Variants in ST3GAL3 observed in about 807,000 individuals in gnomAD.
ST3GAL3 encodes CMP-N-acetylneuraminate-beta-1,4-galactoside alpha-2,3-sialyltransferase.
Under a neutral mutation model 50.1 loss-of-function variants are expected in ST3GAL3, and 21 were observed. That is an observed-to-expected ratio of 0.42 (90% CI 0.30 to 0.60). The LOEUF (loss-of-function observed/expected upper bound fraction) is 0.60, where lower values mean the gene tolerates loss of function less well. Among genes scored for constraint, ST3GAL3 ranks in the 20% least tolerant of loss-of-function variants. The pLI is 0.19. For synonymous variants in ST3GAL3, 183 were observed against 190.0 expected, an observed-to-expected ratio of 0.96 and a Z score of 0.30; for missense variants, 353 against 489.4, an observed-to-expected ratio of 0.72 and a Z score of 2.63.
chr1:43,757,337 A>G (rs984435229), intron 2 of ST3GAL3, among the ~76,000 whole-genome samples: 3 of 152,208 alleles, frequency 2.0e-5, no homozygotes, highest in African/African-American at 7.2e-5. Context: ...AAATATAGAG[A>G]TTCAAGAATA....
At chr1:43,710,484 C>T (rs1408620280) in intron 1 of ST3GAL3, among the ~76,000 whole-genome samples, 2 of 152,096 alleles carry the variant, frequency 1.3e-5, no homozygotes, top group Non-Finnish European at 2.9e-5. Flanking sequence ...TTTTTCCTTC[C>T]ATCCATCATG....
At chr1:43,771,547 C>T (rs558481320) in intron 2 of ST3GAL3, among the ~76,000 whole-genome samples, 15 of 151,954 alleles carry the variant, frequency 9.9e-5, no homozygotes, top group African/African-American at 2.9e-4. Flanking sequence ...TTAGTAGAGA[C>T]GGGATTTCAA....
chr1:43,917,493 TATATA>T (rs1234325778), intron 9 of ST3GAL3, among the ~76,000 whole-genome samples: 1 of 31,730 alleles, frequency 3.2e-5, no homozygotes, highest in Non-Finnish European at 9.0e-5. Context: ...ATATATAATA[TATATA>T]ATATATTATA....
intron 2 of ST3GAL3, among the ~76,000 whole-genome samples, chr1:43,777,540 A>G (rs1697755876): frequency 6.6e-6 from 1 of 152,162 alleles, no homozygotes; most frequent in Admixed American, 6.5e-5. Flanking sequence ...ATGCTGGGAG[A>G]ACTGGCTAGC....
At chr1:43,915,332 C>G (rs947590660) in intron 9 of ST3GAL3, among the ~76,000 whole-genome samples, 5 of 152,228 alleles carry the variant, frequency 3.3e-5, no homozygotes, top group African/African-American at 1.2e-4. Context: ...ATGTGAGTCC[C>G]TGCCCTATGG....
At chr1:43,760,335 T>G (rs377385369) in intron 2 of ST3GAL3, among the ~76,000 whole-genome samples, 15 of 152,376 alleles carry the variant, frequency 9.8e-5, no homozygotes, top group East Asian at 1.9e-4. Flanking sequence ...TCAGTAGATA[T>G]ATTAACAAAT....
intron 1 of ST3GAL3, among the ~76,000 whole-genome samples, chr1:43,708,710 A>G (rs1018175503): frequency 1.3e-5 from 2 of 152,246 alleles, no homozygotes; most frequent in African/African-American, 4.8e-5. Flanking sequence ...AGAGATTCTT[A>G]AGGATATTTT....
intron 2 of ST3GAL3, chr1:43,736,676 T>G (rs1366404208): frequency 2.1e-6 from 1 of 481,334 alleles, no homozygotes; most frequent in Non-Finnish European, 3.8e-6. Flanking sequence ...CTTGAACGCT[T>G]TTGTTCTTTC....
chr1:43,875,782 A>T (rs967843525), intron 5 of ST3GAL3, among the ~76,000 whole-genome samples: 1 of 152,104 alleles, frequency 6.6e-6, no homozygotes, highest in African/African-American at 2.4e-5. Flanking sequence ...GTATTTCTTT[A>T]TAGCAGCGTG....
chr1:43,917,559 TA>T (rs1430375511), intron 9 of ST3GAL3, among the ~76,000 whole-genome samples: 1 of 86,030 alleles, frequency 1.2e-5, no homozygotes, highest in Non-Finnish European at 2.1e-5. Flanking sequence ...ATATATAATA[TA>T]TTATATTATA....
chr1:43,865,937 T>G (rs527678239), intron 5 of ST3GAL3, among the ~76,000 whole-genome samples: 1 of 152,348 alleles, frequency 6.6e-6, no homozygotes, highest in East Asian at 1.9e-4. Context: ...TGGGATACAT[T>G]ATGTCAGTAG....
intron 5 of ST3GAL3, among the ~76,000 whole-genome samples, chr1:43,875,801 C>G (rs192137433): frequency 3.3e-5 from 5 of 151,994 alleles, no homozygotes; most frequent in African/African-American, 1.2e-4. Context: ...TGAGAACAGA[C>G]TAATACATGA....
At chr1:43,767,706 G>T (rs1293399164) in intron 2 of ST3GAL3, among the ~76,000 whole-genome samples, 2 of 151,488 alleles carry the variant, frequency 1.3e-5, no homozygotes, top group African/African-American at 4.9e-5. Flanking sequence ...GATAGCATTA[G>T]GAGAAATACC....
rs770115603 is a variant in ST3GAL3, at chr1:43,899,774, C to T, written c.744+47C>T. 12 of 1,566,386 alleles carry T rather than the reference C, an allele frequency of 7.7e-6. No individual in the cohort carries two copies. Among genetic ancestry groups the T allele is most frequent in the South Asian group, 1.1e-5 (1 of 89,952 alleles). On this transcript the variant is annotated intron_variant, in intron 9 of 11. Transcript: ENST00000347631. This position sits in a 1 kb window ranked among gnomAD's most constrained non-coding sequence, Gnocchi z 5.4. ...TTCTTCCCCTCTTGCCCTGGGCTTCCGCAACTCCTAAGCAATCCCGCCCCT... is the reference window on the plus strand; with the variant it reads ...TTCTTCCCCTCTTGCCCTGGGCTTCTGCAACTCCTAAGCAATCCCGCCCCT...
intron 2 of ST3GAL3, among the ~76,000 whole-genome samples, chr1:43,761,680 G>T (rs891634874): frequency 2.0e-5 from 3 of 152,006 alleles, no homozygotes; most frequent in Non-Finnish European, 4.4e-5. Flanking sequence ...GCCGGGCGCG[G>T]TGGCTCATGC....
intron 3 of ST3GAL3, among the ~76,000 whole-genome samples, chr1:43,793,777 A>G (rs1243665145): frequency 3.9e-5 from 6 of 152,220 alleles, no homozygotes; most frequent in African/African-American, 1.4e-4. Context: ...AAAAGACCCT[A>G]TTAAGAGAGT....
intron 5 of ST3GAL3, chr1:43,841,873 A>T (rs1237014451): frequency 1.3e-5 from 2 of 152,196 alleles, no homozygotes; most frequent in African/African-American, 4.8e-5. Flanking sequence ...TTTTAAATAT[A>T]AATTCCAACT....
At chr1:43,782,560 CTG>C (rs1699711851) in intron 2 of ST3GAL3, among the ~76,000 whole-genome samples, 1 of 15,026 alleles carries the variant, frequency 6.7e-5, no homozygotes. Flanking sequence ...CTTATTTTCA[CTG>C]TTTCTCCCTC....
chr1:43,897,683 C>G (rs2077586687), intron 6 of ST3GAL3, among the ~76,000 whole-genome samples: 1 of 152,130 alleles, frequency 6.6e-6, no homozygotes, highest in South Asian at 2.1e-4. Flanking sequence ...TAAAGACAGC[C>G]TGGCAAAGAG....
Sources: gnomAD v4.1 joint callset for allele counts (sites outside exome capture counted in the v4.1 genomes callset) on GRCh38, gnomAD v4.1.1 for gene constraint, Gnocchi (gnomAD v3.1) non-coding constraint, MANE v1.5 for transcripts, NCBI Gene and HGNC (gene_info 2026-07-23, HGNC 2026-07-21) for gene names.